Variants in ZC3H12B observed in about 807,000 individuals in gnomAD.
The protein encoded by ZC3H12B is probable ribonuclease ZC3H12B.
In ZC3H12B, 7 loss-of-function variants were observed where a neutral mutation model predicts 43.9. The observed-to-expected ratio is 0.16, with a 90% CI of 0.09 to 0.30. The LOEUF (loss-of-function observed/expected upper bound fraction) is 0.30. ZC3H12B is among the 10% of genes least tolerant of loss of function. The pLI is 1.00. For missense variants in ZC3H12B, 475 were observed against 670.2 expected (o/e 0.71, Z 3.22); for synonymous variants, 222 against 241.7 (o/e 0.92, Z 0.76).
the ZC3H12B span, among the ~76,000 whole-genome samples, chrX:65,301,043 A>G: frequency 1.8e-5 from 2 of 111,741 alleles, no homozygotes; most frequent in Middle Eastern, 9.3e-3. Flanking sequence ...ACAATTCTCA[A>G]AAGAAGATAT....
Position 65,468,651 on chromosome X carries a change from T to TA in ZC3H12B, n.408-19995_408-19994insA, listed in dbSNP as rs1491423989. On this transcript the variant is annotated intron_variant and non_coding_transcript_variant, in intron 3 of 5. Transcript: ENST00000617377. Reference sequence around the variant, plus strand: ...GGTGCCCGCCACCGTGCCCGGCTAATTTTTTTTTTTTTTTTTTTTTGTATT... The same window carrying TA: ...GGTGCCCGCCACCGTGCCCGGCTAATATTTTTTTTTTTTTTTTTTTTGTATT... Among the ~76,000 whole-genome samples the TA allele has an allele frequency of 5.2e-4, 31 of 60,131 alleles. No individual in the cohort carries two copies. In the African/African-American group the frequency reaches 0.015, roughly 30 times the overall value. 52.2% of individuals were successfully genotyped at this position (60,131 alleles called of 115,157 possible).
chrX:65,115,927 C>G, the ZC3H12B span, among the ~76,000 whole-genome samples: 1 of 110,398 alleles, frequency 9.1e-6, no homozygotes, highest in Non-Finnish European at 1.9e-5. Flanking sequence ...CATTTGAGTT[C>G]CTTTTAGATT....
At chrX:65,165,049 G>A in the ZC3H12B span, among the ~76,000 whole-genome samples, 14 of 111,559 alleles carry the variant, frequency 1.3e-4, no homozygotes, top group Non-Finnish European at 2.6e-4. Context: ...TGCTTTAAAC[G>A]AAGTTATATT....
chrX:65,299,709 C>T, the ZC3H12B span, among the ~76,000 whole-genome samples: 2 of 112,272 alleles, frequency 1.8e-5, no homozygotes, highest in African/African-American at 6.5e-5. Flanking sequence ...TGTGTGGAGG[C>T]TCCCAGTGTG....
At chrX:65,047,507 A>G in the ZC3H12B span, among the ~76,000 whole-genome samples, 1 of 111,190 alleles carries the variant, frequency 9.0e-6, no homozygotes, top group South Asian at 3.8e-4. Flanking sequence ...AGGCTCTTTC[A>G]GGCTAACACT....
At chrX:65,241,218 G>C in the ZC3H12B span, among the ~76,000 whole-genome samples, 53 of 112,937 alleles carry the variant, frequency 4.7e-4, no homozygotes, top group East Asian at 0.015. Flanking sequence ...TTTAGGAAGA[G>C]ATCAAAGTTC....
intron 3 of ZC3H12B, chrX:65,407,998 T>C: frequency 9.5e-7 from 1 of 1,057,315 alleles, no homozygotes; most frequent in East Asian, 3.3e-5. Context: ...GCTTTCCGGC[T>C]TAATTTTCCT....
At chrX:65,435,644 GGATAGATAGATAGATAGATA>G (rs34975614) in intron 3 of ZC3H12B, among the ~76,000 whole-genome samples, 7 of 94,364 alleles carry the variant, frequency 7.4e-5, no homozygotes, top group East Asian at 3.4e-4. Context: ...AGAACCAATA[GGATAGATAGATAGATAGATA>G]GATAGATAGA....
chrX:65,230,089 T>G, the ZC3H12B span, among the ~76,000 whole-genome samples: 1 of 111,124 alleles, frequency 9.0e-6, no homozygotes, highest in South Asian at 3.9e-4. Flanking sequence ...TGCACACGTA[T>G]GTTTATTGCG....
chrX:65,066,964 C>T, the ZC3H12B span, among the ~76,000 whole-genome samples: 1 of 111,613 alleles, frequency 9.0e-6, no homozygotes, highest in Non-Finnish European at 1.9e-5. Context: ...CTACTCCATC[C>T]TCAGTGATGG....
chrX:65,211,812 A>G, the ZC3H12B span, among the ~76,000 whole-genome samples: 2 of 81,992 alleles, frequency 2.4e-5, no homozygotes, highest in South Asian at 1.1e-3. Context: ...TATATAATAT[A>G]TAATATATAT....
the ZC3H12B span, among the ~76,000 whole-genome samples, chrX:65,120,449 G>A: frequency 5.4e-5 from 6 of 111,402 alleles, no homozygotes; most frequent in African/African-American, 2.0e-4. Context: ...CTCTCTGTTT[G>A]TCTGTTATTG....
At chrX:65,381,832 A>G (rs1483313255) in intron 2 of ZC3H12B, among the ~76,000 whole-genome samples, 4 of 111,948 alleles carry the variant, frequency 3.6e-5, no homozygotes, top group Admixed American at 9.5e-5. Flanking sequence ...ACACCTCTAC[A>G]CAAATAAACT....
At chrX:65,444,896 T>C (rs2067355577) in intron 3 of ZC3H12B, among the ~76,000 whole-genome samples, 1 of 111,989 alleles carries the variant, frequency 8.9e-6, no homozygotes, top group Non-Finnish European at 1.9e-5. Flanking sequence ...TTTTTGTTAG[T>C]ATTTTTATTT....
chrX:65,223,877 A>G, the ZC3H12B span, among the ~76,000 whole-genome samples: 2 of 112,535 alleles, frequency 1.8e-5, no homozygotes, highest in African/African-American at 6.4e-5. Context: ...TACAACCACT[A>G]TGGAAAACAG....
chrX:65,195,789 T>G, the ZC3H12B span, among the ~76,000 whole-genome samples: 6 of 112,090 alleles, frequency 5.4e-5, no homozygotes, highest in Admixed American at 4.7e-4. Context: ...GGCTTAAGAC[T>G]AACACCTTTG....
chrX:65,479,026 G>A (rs1011827622), intron 3 of ZC3H12B, among the ~76,000 whole-genome samples: 2 of 112,228 alleles, frequency 1.8e-5, no homozygotes, highest in African/African-American at 6.5e-5. Context: ...TGAGGAAAAA[G>A]CTGTTCATTA....
chrX:65,174,725 A>G, the ZC3H12B span, among the ~76,000 whole-genome samples: 2 of 111,393 alleles, frequency 1.8e-5, no homozygotes, highest in Non-Finnish European at 3.8e-5. Flanking sequence ...TTCTCTTCCC[A>G]CCAAGCTCAA....
intron 3 of ZC3H12B, among the ~76,000 whole-genome samples, chrX:65,464,191 A>T (rs2067789133): frequency 8.9e-6 from 1 of 112,036 alleles, no homozygotes; most frequent in Non-Finnish European, 1.9e-5. Flanking sequence ...AATTAAAAGC[A>T]TTTTCATACC....
Sources: allele counts gnomAD v4.1 joint callset (sites outside exome capture counted in the v4.1 genomes callset), GRCh38; gene constraint gnomAD v4.1.1; transcripts MANE v1.5; gene names NCBI Gene and HGNC (gene_info 2026-07-23, HGNC 2026-07-21).